Variants in SH3PXD2B observed in about 807,000 individuals in gnomAD.
SH3PXD2B encodes SH3 and PX domains 2B.
Under a neutral mutation model 73.1 loss-of-function variants are expected in SH3PXD2B, and 37 were observed. The observed-to-expected ratio is 0.51, with a 90% CI of 0.39 to 0.67. The LOEUF (loss-of-function observed/expected upper bound fraction) is 0.67, where lower values mean the gene tolerates loss of function less well. SH3PXD2B is among the 30% of genes least tolerant of loss of function. The pLI is 0.00. For missense variants in SH3PXD2B, 1,053 were observed against 1,197.8 expected, an observed-to-expected ratio of 0.88 and a Z score of 1.78; for synonymous variants, 457 against 480.5, an observed-to-expected ratio of 0.95 and a Z score of 0.64.
Position 172,454,388 on chromosome 5 carries a change from T to C in SH3PXD2B, c.-36A>G. On this transcript the variant is annotated 5_prime_UTR_variant, in exon 1 of 13. Coordinates refer to ENST00000311601, the MANE Select transcript of SH3PXD2B (RefSeq NM_001017995.3). ...CCGCCCGCAGCGGGCCGAGCGCGGG[T>C]GCGGGTGGCGCGGGGTGCAGGGAGC... The C allele has an allele frequency of 7.4e-7, 1 of 1,346,972 alleles. No individual in the cohort carries two copies. Among genetic ancestry groups the C allele is most frequent in the Non-Finnish European group, 9.5e-7 (1 of 1,047,724 alleles). The allele number at this position is 1,346,972 out of a possible 1,614,324, so 83.4% of individuals were successfully genotyped here. A position where few individuals can be genotyped will look rare whatever the true frequency, so the allele number is the denominator to read the frequency against.
At chr5:172,328,112 A>T (rs1756480086) in intron 12 of SH3PXD2B, among the ~76,000 whole-genome samples, 1 of 113,764 alleles carries the variant, frequency 8.8e-6, no homozygotes, top group Non-Finnish European at 1.8e-5. Context: ...GTTGCCTAGT[A>T]GGCTGATTTT....
At chr5:172,394,499 A>G in intron 4 of SH3PXD2B, 64 bp downstream of exon 4, 1 of 1,549,700 alleles carries the variant, frequency 6.5e-7, no homozygotes, top group Non-Finnish European at 8.9e-7. Flanking sequence ...TCTTGTAGCC[A>G]GAAAAAGAAA....
intron 5 of SH3PXD2B, among the ~76,000 whole-genome samples, chr5:172,377,485 A>G (rs1303491465): frequency 6.6e-6 from 1 of 152,120 alleles, no homozygotes; most frequent in East Asian, 1.9e-4. Context: ...TCCTGGCTTA[A>G]AGACAGGAAG....
At position 172,358,595 on chromosome 5, in the gene SH3PXD2B, C is replaced by T. The variant is rs141886182; in HGVS notation, c.667+178G>A. Among the ~76,000 whole-genome samples the T allele has an allele frequency of 6.3e-3, 960 of 152,308 alleles. 4 individuals are homozygous for T. The highest frequency in any genetic ancestry group is 0.027 in the South Asian group (130 of 4,818). On this transcript the variant is annotated intron_variant, in intron 8 of 12. Coordinates refer to ENST00000311601, the MANE Select transcript of SH3PXD2B (RefSeq NM_001017995.3). ...GGCCCCTAAGAGAGGGCGGGCTTGCCCCTCAGCTCTAATACCATGGCCTGG... is the reference window on the plus strand; with the variant it reads ...GGCCCCTAAGAGAGGGCGGGCTTGCTCCTCAGCTCTAATACCATGGCCTGG...
intron 9 of SH3PXD2B, among the ~76,000 whole-genome samples, chr5:172,351,662 A>G (rs993327500): frequency 3.3e-5 from 5 of 152,210 alleles, no homozygotes; most frequent in Admixed American, 3.3e-4. Context: ...AACATTTACC[A>G]GAACCCAAAA....
intron 1 of SH3PXD2B, among the ~76,000 whole-genome samples, chr5:172,439,692 GCACACACACA>G (rs367799974): frequency 0.012 from 1,616 of 138,628 alleles, 42 homozygotes; most frequent in East Asian, 0.065. Context: ...GCACGCGCGC[GCACACACACA>G]CACACACACA....
At chr5:172,356,637 T>G (rs1757283528) in intron 8 of SH3PXD2B, 1 of 152,194 alleles carries the variant, frequency 6.6e-6, no homozygotes, top group African/African-American at 2.4e-5. Flanking sequence ...CTCATGCAGG[T>G]GCAGGGACCT....
intron 3 of SH3PXD2B, among the ~76,000 whole-genome samples, chr5:172,402,843 T>C (rs1340945159): frequency 6.6e-6 from 1 of 152,244 alleles, no homozygotes. Context: ...TTTAGATGAT[T>C]CATGCACTCT....
rs539951138 is a variant in SH3PXD2B, at chr5:172,454,169, G to A, written c.75+109C>T. ...CCGCAGAGCCGAGGGGAGAGCAGGGGAGGAGGGGACGGGAAGCGCTGGAGG... is the reference window on the plus strand; with the variant it reads ...CCGCAGAGCCGAGGGGAGAGCAGGGAAGGAGGGGACGGGAAGCGCTGGAGG... On this transcript the variant is annotated intron_variant, in intron 1 of 12. Coordinates refer to ENST00000311601, the MANE Select transcript of SH3PXD2B (RefSeq NM_001017995.3). 3 of 816,950 alleles carry A rather than the reference G, an allele frequency of 3.7e-6. No individual in the cohort carries two copies. In the East Asian group the frequency reaches 1.0e-4, roughly 28 times the overall value. 50.6% of individuals were successfully genotyped at this position (816,950 alleles called of 1,614,324 possible).
intron 2 of SH3PXD2B, among the ~76,000 whole-genome samples, chr5:172,413,383 G>A (rs10077897): frequency 0.066 from 9,998 of 152,254 alleles, 502 homozygotes; most frequent in African/African-American, 0.15. Context: ...CGGTCTGTCC[G>A]CTTCTCTCCA....
At chr5:172,453,002 A>T (rs2113528075) in intron 1 of SH3PXD2B, among the ~76,000 whole-genome samples, 1 of 151,936 alleles carries the variant, frequency 6.6e-6, no homozygotes, top group East Asian at 1.9e-4. Context: ...AACAATACAG[A>T]CTCACACAGC....
At chr5:172,442,712 A>ATCAT (rs1257914391) in intron 1 of SH3PXD2B, among the ~76,000 whole-genome samples, 1 of 152,230 alleles carries the variant, frequency 6.6e-6, no homozygotes, top group Non-Finnish European at 1.5e-5. Context: ...AATGATGATG[A>ATCAT]TGATGATGGT....
intron 10 of SH3PXD2B, among the ~76,000 whole-genome samples, chr5:172,348,659 C>CT (rs1469378647): frequency 1.2e-4 from 13 of 107,854 alleles, no homozygotes; most frequent in African/African-American, 3.9e-4. Flanking sequence ...TCTATCCTAT[C>CT]TATCTATCTA....
At chr5:172,368,433 G>T (rs1581279501) in intron 6 of SH3PXD2B, among the ~76,000 whole-genome samples, 1 of 114,248 alleles carries the variant, frequency 8.8e-6, no homozygotes, top group African/African-American at 3.2e-5. Context: ...ATGTTTTGGT[G>T]CAAGGGGAGC....
intron 2 of SH3PXD2B, among the ~76,000 whole-genome samples, chr5:172,409,745 C>T (rs1221404894): frequency 2.0e-5 from 3 of 152,112 alleles, no homozygotes; most frequent in Admixed American, 6.5e-5. Flanking sequence ...GACAGAATTT[C>T]GCTCTTGTTG....
At chr5:172,332,646 T>A (rs1415352633), downstream of SH3PXD2B, among the ~76,000 whole-genome samples, 1 of 152,140 alleles carries the variant, frequency 6.6e-6, no homozygotes, top group Non-Finnish European at 1.5e-5. Context: ...TGTTATATTG[T>A]TTCCTCTAAA....
chr5:172,338,057 G>C lies in SH3PXD2B; in HGVS notation c.*312C>G. Reference sequence around the variant, plus strand: ...GATCCAGTCCTGGAGGTCTTGGAGAGTCTTGGTCCCACTGCTGGGTGGCAA... The same window carrying C: ...GATCCAGTCCTGGAGGTCTTGGAGACTCTTGGTCCCACTGCTGGGTGGCAA... On this transcript the variant is annotated 3_prime_UTR_variant, in exon 13 of 13. Coordinates refer to ENST00000311601, the MANE Select transcript of SH3PXD2B (RefSeq NM_001017995.3). This position sits in a 1 kb window ranked among gnomAD's most constrained non-coding sequence, Gnocchi z 5.1. The C allele has an allele frequency of 3.1e-6, 4 of 1,298,970 alleles. No individual in the cohort carries two copies. Among genetic ancestry groups the C allele is most frequent in the Non-Finnish European group, 3.9e-6 (4 of 1,015,376 alleles). The allele number at this position is 1,298,970 out of a possible 1,614,324, so 80.5% of individuals were successfully genotyped here.
At chr5:172,447,616 G>T (rs1170356386) in intron 1 of SH3PXD2B, among the ~76,000 whole-genome samples, 1 of 152,214 alleles carries the variant, frequency 6.6e-6, no homozygotes, top group Non-Finnish European at 1.5e-5. Context: ...ACAGAGGCTT[G>T]TCTGAGGTCA....
At chr5:172,447,114 T>C (rs1759686569) in intron 1 of SH3PXD2B, among the ~76,000 whole-genome samples, 1 of 152,162 alleles carries the variant, frequency 6.6e-6, no homozygotes, top group Admixed American at 6.5e-5. Flanking sequence ...GAGCATTTGC[T>C]GTTTTTTTAT....
Sources: allele counts gnomAD v4.1 joint callset (sites outside exome capture counted in the v4.1 genomes callset), GRCh38; gene constraint gnomAD v4.1.1; non-coding constraint Gnocchi (gnomAD v3.1); transcripts MANE v1.5; gene names NCBI Gene and HGNC (gene_info 2026-07-23, HGNC 2026-07-21).